THSD4: variants seen among roughly 807,000 people sequenced by gnomAD.
The protein encoded by THSD4 is thrombospondin type-1 domain-containing protein 4.
Under a neutral mutation model 119.0 loss-of-function variants are expected in THSD4, and 69 were observed. The observed-to-expected ratio is 0.58, with a 90% confidence interval of 0.48 to 0.71. The LOEUF (loss-of-function observed/expected upper bound fraction) is 0.71, where lower values mean the gene tolerates loss of function less well. THSD4 is among the 30% of genes least tolerant of loss of function. The pLI, the probability that THSD4 is intolerant of heterozygous loss-of-function variation, is 0.00. For synonymous variants in THSD4, 524 were observed against 540.4 expected (o/e 0.97, Z 0.42); for missense variants, 1,393 against 1,391.1 (o/e 1.00, Z -0.02).
intron 7 of THSD4, among the ~76,000 whole-genome samples, chr15:71,487,541 A>C (rs1391192970): frequency 7.9e-5 from 12 of 152,210 alleles, no homozygotes; most frequent in Admixed American, 7.9e-4. Context: ...TAAGGGCCAA[A>C]GCAACATGGT....
intron 6 of THSD4, among the ~76,000 whole-genome samples, chr15:71,292,498 G>C (rs2044805033): frequency 6.6e-6 from 1 of 151,728 alleles, no homozygotes; most frequent in Admixed American, 6.6e-5. Flanking sequence ...TCTCCTTTCT[G>C]TGGTATTTGC....
At chr15:71,320,557 G>A (rs961501577) in intron 6 of THSD4, among the ~76,000 whole-genome samples, 19 of 152,122 alleles carry the variant, frequency 1.2e-4, no homozygotes, top group African/African-American at 4.6e-4. Context: ...CATAGCCCAC[G>A]TTAGATTGGT....
At chr15:71,098,060 G>A (rs1392978044) in intron 1 of THSD4, among the ~76,000 whole-genome samples, 1 of 151,860 alleles carries the variant, frequency 6.6e-6, no homozygotes, top group African/African-American at 2.4e-5. Flanking sequence ...AAGAGAAATT[G>A]TTTCTCCAGA....
At chr15:71,459,388 C>G (rs546515226) in intron 7 of THSD4, among the ~76,000 whole-genome samples, 92 of 121,872 alleles carry the variant, frequency 7.5e-4, no homozygotes, top group African/African-American at 2.1e-3. Flanking sequence ...CTGTCTCTCT[C>G]TCTCTCTCTC....
chr15:71,304,497 T>C (rs1248906925), intron 6 of THSD4, among the ~76,000 whole-genome samples: 1 of 152,148 alleles, frequency 6.6e-6, no homozygotes, highest in Non-Finnish European at 1.5e-5. Context: ...TTTAAAAATA[T>C]GTTTGGTAGT....
chr15:71,332,162 G>A (rs1254697485), intron 6 of THSD4, among the ~76,000 whole-genome samples: 2 of 152,212 alleles, frequency 1.3e-5, no homozygotes, highest in African/African-American at 4.8e-5. Context: ...CAGTACCCCT[G>A]CTGGGTTCCG....
At chr15:71,110,482 A>G (rs1046751051), upstream of THSD4, 6 of 152,420 alleles carry the variant, frequency 3.9e-5, no homozygotes, top group African/African-American at 1.4e-4. Context: ...CATCACTGGC[A>G]TTGAATGGAA....
chr15:71,516,936 G>A (rs908388046), intron 7 of THSD4, among the ~76,000 whole-genome samples: 1 of 152,262 alleles, frequency 6.6e-6, no homozygotes, highest in South Asian at 2.1e-4. Flanking sequence ...TGCATTTTAA[G>A]TGTCCAGTTG....
At chr15:71,273,734 A>G (rs750180730) in intron 6 of THSD4, among the ~76,000 whole-genome samples, 9 of 152,192 alleles carry the variant, frequency 5.9e-5, no homozygotes, top group Non-Finnish European at 1.0e-4. Flanking sequence ...TGGGCGTAGG[A>G]ATCCTCTAAT....
chr15:71,413,492 C>G (rs1291153695), intron 7 of THSD4, among the ~76,000 whole-genome samples: 1 of 152,204 alleles, frequency 6.6e-6, no homozygotes, highest in Admixed American at 6.5e-5. Flanking sequence ...GCATTTCACT[C>G]TCAGTCTTCA....
At chr15:71,142,586 T>C (rs1445402377) in intron 2 of THSD4, among the ~76,000 whole-genome samples, 1 of 152,240 alleles carries the variant, frequency 6.6e-6, no homozygotes, top group African/African-American at 2.4e-5. Flanking sequence ...AATCAGGATT[T>C]ATGGTTGGCA....
intron 6 of THSD4, among the ~76,000 whole-genome samples, chr15:71,398,299 G>C (rs2046478575): frequency 6.6e-6 from 1 of 152,126 alleles, no homozygotes; most frequent in African/African-American, 2.4e-5. Context: ...GTGGGAGGGT[G>C]GTTCTTTAGG....
intron 1 of THSD4, among the ~76,000 whole-genome samples, chr15:71,106,011 G>A (rs1285722317): frequency 2.0e-5 from 3 of 152,180 alleles, no homozygotes; most frequent in East Asian, 1.9e-4. Context: ...GAAGTGATAT[G>A]TTCTATCCAT....
intron 7 of THSD4, among the ~76,000 whole-genome samples, chr15:71,487,731 C>T (rs1567004181): frequency 6.6e-6 from 1 of 152,106 alleles, no homozygotes; most frequent in Admixed American, 6.5e-5. Flanking sequence ...TTCTAAGTGA[C>T]TTTAACATTT....
At chr15:71,192,069 A>T (rs979897402) in intron 3 of THSD4, among the ~76,000 whole-genome samples, 6 of 151,282 alleles carry the variant, frequency 4.0e-5, no homozygotes, top group Non-Finnish European at 7.4e-5. Context: ...TGCCCAGCTA[A>T]TTTTTTGTAT....
rs1031593380 is a variant in THSD4 at position 71,590,093 on chromosome 15, G to A, written c.1153-70437G>A. On this transcript the variant is annotated intron_variant, in intron 7 of 17. Transcript: ENST00000261862. Reference sequence around the variant, plus strand: ...TGCCAAATTGAAGATAGTGGTTACGGCTGATGAAGGAGAGAGGGGAATGGA... The same window carrying A: ...TGCCAAATTGAAGATAGTGGTTACGACTGATGAAGGAGAGAGGGGAATGGA... Among the ~76,000 whole-genome samples, 18 of 139,424 alleles carry A rather than the reference G, an allele frequency of 1.3e-4. 3 individuals carry two copies. Among genetic ancestry groups the A allele is most frequent in the African/African-American group, 4.5e-4 (18 of 39,838 alleles). 91.5% of individuals were successfully genotyped at this position (139,424 alleles called of 152,430 possible). A position where few individuals can be genotyped will look rare whatever the true frequency, so the allele number is the denominator to read the frequency against.
intron 6 of THSD4, among the ~76,000 whole-genome samples, chr15:71,366,902 A>C (rs1168851675): frequency 1.3e-5 from 2 of 152,196 alleles, no homozygotes; most frequent in Non-Finnish European, 1.5e-5. Flanking sequence ...CGCCCTTCTC[A>C]TACTGTGAAG....
intron 8 of THSD4, among the ~76,000 whole-genome samples, chr15:71,720,521 C>T (rs1010580431): frequency 6.6e-6 from 1 of 152,212 alleles, no homozygotes; most frequent in African/African-American, 2.4e-5. Context: ...GTCCTGCATA[C>T]TATTATGGGT....
intron 5 of THSD4, among the ~76,000 whole-genome samples, chr15:71,245,014 G>A (rs113571160): frequency 0.013 from 1,918 of 152,286 alleles, 36 homozygotes; most frequent in African/African-American, 0.043. Context: ...CCAACGGCAG[G>A]GTTGTTCTCC....
Sources: gnomAD v4.1 joint callset for allele counts (sites outside exome capture counted in the v4.1 genomes callset) on GRCh38, gnomAD v4.1.1 for gene constraint, MANE v1.5 for transcripts, NCBI Gene and HGNC (gene_info 2026-07-23, HGNC 2026-07-21) for gene names.